SLC8A1: variants seen among roughly 807,000 people sequenced by gnomAD.
SLC8A1 encodes the protein sodium/calcium exchanger 1.
In SLC8A1, 18 loss-of-function variants were observed where a neutral mutation model predicts 68.3. The observed-to-expected ratio is 0.26, with a 90% CI of 0.18 to 0.39. SLC8A1 has a LOEUF of 0.39. Among genes scored for constraint, SLC8A1 ranks in the 10% least tolerant of loss-of-function variants. SLC8A1 has a pLI of 1.00. For synonymous variants in SLC8A1, 475 were observed against 415.5 expected, an observed-to-expected ratio of 1.14 and a Z score of -1.74; for missense variants, 985 against 1,156.7, an observed-to-expected ratio of 0.85 and a Z score of 2.15.
At chr2:40,366,141 T>A (rs745964400) in intron 2 of SLC8A1, among the ~76,000 whole-genome samples, 1 of 152,018 alleles carries the variant, frequency 6.6e-6, no homozygotes, top group African/African-American at 2.4e-5. Flanking sequence ...ATTTGTAAAA[T>A]GGGGATAATA....
chr2:40,396,748 TAAAAAAAA>T (rs368483768), intron 2 of SLC8A1, among the ~76,000 whole-genome samples: 19 of 87,086 alleles, frequency 2.2e-4, no homozygotes, highest in African/African-American at 6.2e-4. Flanking sequence ...CTCTAATAAC[TAAAAAAAA>T]AAAAAAAAAA....
At chr2:40,371,557 C>T (rs1408456359) in intron 2 of SLC8A1, among the ~76,000 whole-genome samples, 2 of 151,908 alleles carry the variant, frequency 1.3e-5, no homozygotes, top group East Asian at 1.9e-4. Flanking sequence ...TTGTGAGGAC[C>T]GAATAGGCTA....
At chr2:40,357,403 G>A (rs1027393851) in intron 2 of SLC8A1, among the ~76,000 whole-genome samples, 2 of 150,070 alleles carry the variant, frequency 1.3e-5, no homozygotes, top group Non-Finnish European at 3.0e-5. Context: ...AGGCAGAGGT[G>A]GGAGGATTGC....
intron 2 of SLC8A1, among the ~76,000 whole-genome samples, chr2:40,391,515 G>C (rs2149601066): frequency 6.6e-6 from 1 of 152,106 alleles, no homozygotes; most frequent in South Asian, 2.1e-4. Flanking sequence ...AGTAATCATA[G>C]AGCCATAAGG....
At chr2:40,109,532 A>G (rs2034431850) in exon 8 of SLC8A1, 1 of 152,196 alleles carries the variant, frequency 6.6e-6, no homozygotes, top group African/African-American at 2.4e-5. Context: ...AGTGACTCTT[A>G]TCTAGGTGGA....
intron 2 of SLC8A1, 52 bp downstream of exon 3, chr2:40,178,335 T>C: frequency 2.2e-6 from 3 of 1,354,440 alleles, no homozygotes; most frequent in Middle Eastern, 1.8e-4. Context: ...CATCCAGGGG[T>C]GGCACAGGCC....
At chr2:40,303,260 G>A (rs1300877879) in intron 2 of SLC8A1, among the ~76,000 whole-genome samples, 2 of 152,198 alleles carry the variant, frequency 1.3e-5, no homozygotes, top group African/African-American at 2.4e-5. Context: ...CAGGAAAGAA[G>A]CTTTCCCAAA....
intron 2 of SLC8A1, among the ~76,000 whole-genome samples, chr2:40,326,214 T>C (rs927614077): frequency 3.3e-5 from 5 of 152,162 alleles, no homozygotes; most frequent in Admixed American, 6.6e-5. Context: ...AAAAGGCTAC[T>C]GGGGTGCCTG....
intron 2 of SLC8A1, among the ~76,000 whole-genome samples, chr2:40,292,257 A>G (rs1028690859): frequency 6.6e-6 from 1 of 152,136 alleles, no homozygotes; most frequent in Non-Finnish European, 1.5e-5. Context: ...CCCTGATGCT[A>G]ATGTACACAA....
chr2:40,135,533 T>A (rs955434811), intron 7 of SLC8A1, among the ~76,000 whole-genome samples: 3 of 151,862 alleles, frequency 2.0e-5, no homozygotes. Context: ...GCCTGACCAA[T>A]ACGGTGAAAT....
At chr2:40,478,832 C>T (rs572741079) in intron 1 of SLC8A1, among the ~76,000 whole-genome samples, 9 of 150,896 alleles carry the variant, frequency 6.0e-5, no homozygotes, top group African/African-American at 1.5e-4. Context: ...AGTGCAATGG[C>T]GCAGTCCCAG....
chr2:40,117,751 G>A (rs2035802430), intron 7 of SLC8A1, among the ~76,000 whole-genome samples: 1 of 152,152 alleles, frequency 6.6e-6, no homozygotes, highest in Non-Finnish European at 1.5e-5. Context: ...GAGCATGTAT[G>A]TAGTTGTACG....
At chr2:40,102,280 TTC>T (rs1382789128) in exon 8 of SLC8A1, 2 of 152,154 alleles carry the variant, frequency 1.3e-5, no homozygotes, top group Non-Finnish European at 2.9e-5. Flanking sequence ...AGGTGATATT[TTC>T]TCTCTCACCT....
chr2:40,159,974 C>G (rs445972), intron 6 of SLC8A1, among the ~76,000 whole-genome samples: 14,693 of 152,058 alleles, frequency 0.097, 951 homozygotes, highest in East Asian at 0.18. Flanking sequence ...TTTGTTAATT[C>G]GTTGCAACTG....
chr2:40,204,371 A>G (rs2054971657), intron 2 of SLC8A1, among the ~76,000 whole-genome samples: 1 of 152,050 alleles, frequency 6.6e-6, no homozygotes, highest in Non-Finnish European at 1.5e-5. Flanking sequence ...AAAATCCGCT[A>G]CGGGTTTTCA....
At chr2:40,428,988 G>A (rs759042496) in exon 2 of SLC8A1, 2 of 1,613,762 alleles carry the variant, frequency 1.2e-6, no homozygotes, top group East Asian at 2.2e-5. Context: ...CACCACCTCT[G>A]CGGATAATGG....
intron 2 of SLC8A1, among the ~76,000 whole-genome samples, chr2:40,218,727 G>GGA (rs71922992): frequency 6.7e-6 from 1 of 148,310 alleles, no homozygotes; most frequent in Non-Finnish European, 1.5e-5. Flanking sequence ...TCTTCTGGGG[G>GGA]AAAAAAAAAA....
In SLC8A1 at chr2:40,420,148, G is replaced by T. The variant is rs569383411; in HGVS notation, c.1808+8325C>A. ...AAAAATATATCTAAAAATTCTATGT[G>T]CTGCGGAGGTTGGAATTCTAAGTTT... On this transcript the variant is annotated intron_variant, in intron 2 of 7. Coordinates refer to ENST00000406785, the Ensembl canonical transcript of SLC8A1. Among the ~76,000 whole-genome samples the T allele has an allele frequency of 6.6e-5, 10 of 152,210 alleles. No individual in the cohort carries two copies. The South Asian group carries it at 2.1e-3, about 32-fold the overall frequency.
At chr2:40,493,013 A>G (rs1185819498) in intron 1 of SLC8A1, among the ~76,000 whole-genome samples, 1 of 152,226 alleles carries the variant, frequency 6.6e-6, no homozygotes, top group Non-Finnish European at 1.5e-5. Flanking sequence ...CCAAAGGACT[A>G]TAAATCATGC....
Sources: gnomAD v4.1 joint callset for allele counts (sites outside exome capture counted in the v4.1 genomes callset) on GRCh38, gnomAD v4.1.1 for gene constraint, MANE v1.5 for transcripts, NCBI Gene and HGNC (gene_info 2026-07-23, HGNC 2026-07-21) for gene names.